The following ULK4 variants were observed in gnomAD, a reference collection of about 807,000 sequenced individuals.
The protein encoded by ULK4 is inactive serine/threonine-protein kinase ULK4.
ULK4 carries 133 observed loss-of-function variants against 160.6 expected under a neutral mutation model. That is an observed-to-expected ratio of 0.83 (90% CI 0.72 to 0.96). ULK4 has a LOEUF of 0.96. ULK4 is among the 40% of genes least tolerant of loss of function. The pLI is 0.00. For missense variants in ULK4, 1,580 were observed against 1,499.5 expected (o/e 1.05, Z -0.89); for synonymous variants, 534 against 539.8 (o/e 0.99, Z 0.15).
At chr3:41,515,099 A>C (rs745705976) in intron 32 of ULK4, among the ~76,000 whole-genome samples, 1 of 151,900 alleles carries the variant, frequency 6.6e-6, no homozygotes, top group South Asian at 2.1e-4. Context: ...CCTACTAAAA[A>C]TACAAAAATT....
rs1698950387 is a variant in ULK4 at position 41,915,885 on chromosome 3, A to G, written c.803+92T>C. 4 of 848,962 alleles carry G rather than the reference A, an allele frequency of 4.7e-6. No homozygotes were observed. In the East Asian group the frequency reaches 1.1e-4, roughly 23 times the overall value. 52.6% of individuals were successfully genotyped at this position (848,962 alleles called of 1,614,324 possible). A position where few individuals can be genotyped will look rare whatever the true frequency, so the allele number is the denominator to read the frequency against. On this transcript the variant is annotated intron_variant, in intron 8 of 36. Transcript: ENST00000301831. Reference sequence around the variant, plus strand: ...TAGAAGTACATAAAAGGGGGAAAAGATTTCATTATTTATTCCCATTAAAAT... The same window carrying G: ...TAGAAGTACATAAAAGGGGGAAAAGGTTTCATTATTTATTCCCATTAAAAT...
intron 34 of ULK4, among the ~76,000 whole-genome samples, chr3:41,447,558 A>G (rs1449542033): frequency 6.6e-6 from 1 of 152,110 alleles, no homozygotes; most frequent in Non-Finnish European, 1.5e-5. Flanking sequence ...TTTCTTCCCT[A>G]AAGCTAGACA....
At chr3:41,337,804 C>G (rs1226032587) in intron 35 of ULK4, among the ~76,000 whole-genome samples, 1 of 152,168 alleles carries the variant, frequency 6.6e-6, no homozygotes, top group Non-Finnish European at 1.5e-5. Context: ...TAAATTCAGC[C>G]CTCTGGGTTT....
At chr3:41,486,031 T>C (rs12636994) in intron 32 of ULK4, among the ~76,000 whole-genome samples, 38,771 of 152,098 alleles carry the variant, frequency 0.25, 5,189 homozygotes, top group African/African-American at 0.3. Context: ...CGTTCCTTGG[T>C]TTGCTGGACA....
chr3:41,730,624 TAA>T (rs976235494), intron 22 of ULK4, among the ~76,000 whole-genome samples: 1 of 152,088 alleles, frequency 6.6e-6, no homozygotes, highest in African/African-American at 2.4e-5. Context: ...GAATCGATAA[TAA>T]AGTCTCCCAT....
chr3:41,899,602 T>C (rs974736945), intron 13 of ULK4, among the ~76,000 whole-genome samples: 1 of 152,238 alleles, frequency 6.6e-6, no homozygotes, highest in African/African-American at 2.4e-5. Context: ...TTGTAAGATT[T>C]TTTTTTGCAA....
At chr3:41,669,070 C>T (rs1410758987) in intron 29 of ULK4, among the ~76,000 whole-genome samples, 1 of 151,894 alleles carries the variant, frequency 6.6e-6, no homozygotes, top group Non-Finnish European at 1.5e-5. Context: ...AAATAAATGG[C>T]CAAGAAGCAT....
intron 31 of ULK4, among the ~76,000 whole-genome samples, chr3:41,613,749 A>T (rs2032821660): frequency 6.6e-6 from 1 of 152,270 alleles, no homozygotes; most frequent in African/African-American, 2.4e-5. Context: ...CTCCTGCCTC[A>T]TAAAGCAGTG....
At chr3:41,838,102 A>AT (rs2041811304) in intron 17 of ULK4, among the ~76,000 whole-genome samples, 1 of 152,142 alleles carries the variant, frequency 6.6e-6, no homozygotes, top group Non-Finnish European at 1.5e-5. Flanking sequence ...GTGTTTAGCA[A>AT]TTTTTTACCT....
chr3:41,491,879 G>A (rs572622080), intron 32 of ULK4, among the ~76,000 whole-genome samples: 113 of 75,136 alleles, frequency 1.5e-3, no homozygotes, highest in African/African-American at 4.6e-3. Flanking sequence ...TATCCCTCCC[G>A]CCTCCCCCCA....
chr3:41,531,984 T>C (rs2086335810), intron 32 of ULK4, among the ~76,000 whole-genome samples: 2 of 152,212 alleles, frequency 1.3e-5, no homozygotes, highest in East Asian at 3.9e-4. Context: ...CCTGGGAAGC[T>C]TCTAGGCACT....
intron 32 of ULK4, among the ~76,000 whole-genome samples, chr3:41,485,147 T>G (rs1312549139): frequency 2.0e-5 from 3 of 152,162 alleles, no homozygotes; most frequent in African/African-American, 7.2e-5. Flanking sequence ...CTCAGGAGGT[T>G]AAGTAACTTT....
intron 35 of ULK4, among the ~76,000 whole-genome samples, chr3:41,370,717 C>A (rs1243431361): frequency 6.6e-6 from 1 of 152,212 alleles, no homozygotes. Context: ...GGGTTTCATG[C>A]ACAAAACTGG....
At chr3:41,546,916 G>A (rs1448135857) in intron 32 of ULK4, among the ~76,000 whole-genome samples, 3 of 152,128 alleles carry the variant, frequency 2.0e-5, no homozygotes, top group African/African-American at 7.2e-5. Context: ...CAAGAGGTCA[G>A]CTATCATTTG....
At chr3:41,587,912 CTTCTG>C (rs2030953493) in intron 31 of ULK4, among the ~76,000 whole-genome samples, 1 of 149,768 alleles carries the variant, frequency 6.7e-6, no homozygotes, top group Admixed American at 6.6e-5. Context: ...GAAAAGTGAT[CTTCTG>C]TTATTTTCTT....
chr3:41,878,406 T>A (rs1697389666), intron 17 of ULK4, among the ~76,000 whole-genome samples: 1 of 152,136 alleles, frequency 6.6e-6, no homozygotes, highest in Admixed American at 6.5e-5. Context: ...CTTAACAATA[T>A]AAAATCAATC....
chr3:41,588,158 G>GAAAAC lies in ULK4; in HGVS notation c.3121-22033_3121-22029dup, dbSNP rs979723523. 9.2e-5 allele frequency among the ~76,000 whole-genome samples: 14 copies of GAAAAC among 152,080 alleles called. No individual in the cohort carries two copies. The South Asian group carries it at 1.0e-3, about 11-fold the overall frequency. On this transcript the variant is annotated intron_variant, in intron 31 of 36. Coordinates refer to ENST00000301831, the MANE Select transcript of ULK4 (RefSeq NM_017886.4). The stretch of plus-strand genomic sequence containing the variant: ...CAAACAAAAGAAGCAGGTGGTGAGG[G>GAAAAC]AAAACAAAACAAAACAAAACACCAC...
chr3:41,404,020 T>C (rs1333708285), intron 34 of ULK4, among the ~76,000 whole-genome samples: 1 of 152,138 alleles, frequency 6.6e-6, no homozygotes, highest in Non-Finnish European at 1.5e-5. Flanking sequence ...AGTCTATTAG[T>C]GGTGAGTGTT....
At chr3:41,812,320 C>T (rs1412056739) in intron 19 of ULK4, among the ~76,000 whole-genome samples, 1 of 151,910 alleles carries the variant, frequency 6.6e-6, no homozygotes, top group African/African-American at 2.4e-5. Context: ...AAAACACAAA[C>T]CAAGGGTGAG....
Sources: gnomAD v4.1 joint callset for allele counts (sites outside exome capture counted in the v4.1 genomes callset) on GRCh38, gnomAD v4.1.1 for gene constraint, MANE v1.5 for transcripts, NCBI Gene and HGNC (gene_info 2026-07-23, HGNC 2026-07-21) for gene names.